EFNA5: variants seen among roughly 807,000 people sequenced by gnomAD.
The protein encoded by EFNA5 is ephrin-A5.
In EFNA5, 5 loss-of-function variants were observed where a neutral mutation model predicts 22.9. The observed-to-expected ratio is 0.22, with a 90% confidence interval of 0.11 to 0.46. The LOEUF (loss-of-function observed/expected upper bound fraction) is 0.46. EFNA5 is among the 20% of genes least tolerant of loss of function. The pLI is 0.99. For synonymous variants in EFNA5, 113 were observed against 112.2 expected (o/e 1.01, Z -0.04); for missense variants, 237 against 293.3 (o/e 0.81, Z 1.40).
intron 1 of EFNA5, among the ~76,000 whole-genome samples, chr5:107,533,290 T>A (rs1346334947): frequency 6.6e-6 from 1 of 152,092 alleles, no homozygotes; most frequent in Non-Finnish European, 1.5e-5. Flanking sequence ...AGAGAGTTAA[T>A]CTACATTCCA....
chr5:107,570,998 G>A (rs1408895859), intron 1 of EFNA5, among the ~76,000 whole-genome samples: 2 of 152,160 alleles, frequency 1.3e-5, no homozygotes, highest in Non-Finnish European at 2.9e-5. Flanking sequence ...TCCTCCCTGG[G>A]GGGTACCTGT....
At chr5:107,620,496 AT>A (rs1561451611) in intron 1 of EFNA5, among the ~76,000 whole-genome samples, 1 of 152,108 alleles carries the variant, frequency 6.6e-6, no homozygotes, top group Non-Finnish European at 1.5e-5. Context: ...TAAAAAATAC[AT>A]TTTTTTCTGA....
intron 1 of EFNA5, among the ~76,000 whole-genome samples, chr5:107,482,822 CTCTGTCTCTG>C (rs60335604): frequency 0.01 from 559 of 54,238 alleles, 2 homozygotes; most frequent in African/African-American, 0.027. Flanking sequence ...CTGTCTCTCT[CTCTGTCTCTG>C]TCTCTCTCTC....
At chr5:107,383,927 A>G (rs1747536640) in intron 4 of EFNA5, among the ~76,000 whole-genome samples, 1 of 152,196 alleles carries the variant, frequency 6.6e-6, no homozygotes, top group African/African-American at 2.4e-5. Context: ...ATAAGCACCC[A>G]ACGAATATAT....
intron 1 of EFNA5, among the ~76,000 whole-genome samples, chr5:107,551,302 G>C (rs1748289421): frequency 6.6e-6 from 1 of 152,186 alleles, no homozygotes; most frequent in South Asian, 2.1e-4. Context: ...TTGAAGGCCA[G>C]AGAGTAAATA....
intron 1 of EFNA5, among the ~76,000 whole-genome samples, chr5:107,608,139 T>G (rs756508950): frequency 5.3e-5 from 8 of 152,220 alleles, no homozygotes; most frequent in Non-Finnish European, 8.8e-5. Context: ...GCATGAGTTG[T>G]ACTTATCATA....
chr5:107,583,440 T>C (rs1749109535), intron 1 of EFNA5, among the ~76,000 whole-genome samples: 1 of 152,224 alleles, frequency 6.6e-6, no homozygotes, highest in Non-Finnish European at 1.5e-5. Flanking sequence ...TTACTGAGCG[T>C]CGGCAAGGCA....
In EFNA5 at chr5:107,387,332, G is replaced by T; in HGVS notation, c.485-17C>A. 6.5e-7 allele frequency: 1 copy of T among 1,531,912 alleles called. No individual in the cohort carries two copies. Among genetic ancestry groups the T allele is most frequent in the South Asian group, 1.2e-5 (1 of 83,614 alleles). 94.9% of individuals were successfully genotyped at this position (1,531,912 alleles called of 1,614,324 possible). ...TACAGCTATCTATAACAAAAATAGA[G>T]ATAACAGCCAAATATGTTAGTGAAG... On this transcript the variant is annotated splice_polypyrimidine_tract_variant and intron_variant, in intron 3 of 4. Transcript: ENST00000333274.
At chr5:107,619,208 A>C (rs1045062664) in intron 1 of EFNA5, among the ~76,000 whole-genome samples, 7 of 151,810 alleles carry the variant, frequency 4.6e-5, no homozygotes, top group African/African-American at 1.7e-4. Context: ...TACAGGTGTG[A>C]GCCACCGCAC....
intron 1 of EFNA5, among the ~76,000 whole-genome samples, chr5:107,667,036 T>C (rs1288785395): frequency 6.6e-6 from 1 of 152,126 alleles, no homozygotes; most frequent in Non-Finnish European, 1.5e-5. Context: ...GGATTTTCAT[T>C]ACTCAAAGTT....
chr5:107,440,728 T>C (rs1749234403), intron 1 of EFNA5, among the ~76,000 whole-genome samples: 1 of 152,186 alleles, frequency 6.6e-6, no homozygotes, highest in South Asian at 2.1e-4. Context: ...AAAGAGAGAA[T>C]GTGAGCTGTT....
chr5:107,601,924 T>C (rs572557538), intron 1 of EFNA5, among the ~76,000 whole-genome samples: 7 of 152,344 alleles, frequency 4.6e-5, no homozygotes, highest in Middle Eastern at 3.4e-3. Context: ...CAAAAACCTA[T>C]GTTTTTGGAG....
In EFNA5 at chr5:107,480,560, GCACTGT is replaced by G. The variant is rs151275833; in HGVS notation, c.126-53057_126-53052del. On this transcript the variant is annotated intron_variant, in intron 1 of 4. Transcript: ENST00000333274. ...ATATGGATCAAGACTAAAGACACAG[GCACTGT>G]CCTCAGGAGCATTCTAGTGGAGAGG... 1.8e-3 allele frequency among the ~76,000 whole-genome samples: 269 copies of G among 152,298 alleles called. 1 individual carries two copies. The highest frequency in any genetic ancestry group is 7.7e-3 in the South Asian group (37 of 4,830).
intron 1 of EFNA5, among the ~76,000 whole-genome samples, chr5:107,457,096 C>T (rs952480565): frequency 6.6e-6 from 1 of 152,272 alleles, no homozygotes; most frequent in South Asian, 2.1e-4. Context: ...CAATGAACAG[C>T]CTCAGTGGCC....
intron 1 of EFNA5, among the ~76,000 whole-genome samples, chr5:107,509,420 G>A (rs1421946851): frequency 1.3e-5 from 2 of 151,200 alleles, no homozygotes; most frequent in African/African-American, 4.9e-5. Context: ...CAGGATTCAA[G>A]CGATTCTCCT....
At chr5:107,581,460 T>G (rs895372571) in intron 1 of EFNA5, among the ~76,000 whole-genome samples, 3 of 152,176 alleles carry the variant, frequency 2.0e-5, no homozygotes, top group Admixed American at 2.0e-4. Flanking sequence ...ATTCCACTAG[T>G]CTACAGCACA....
chr5:107,386,987 C>G (rs1403657299), intron 4 of EFNA5, among the ~76,000 whole-genome samples: 1 of 152,086 alleles, frequency 6.6e-6, no homozygotes, highest in East Asian at 1.9e-4. Flanking sequence ...GATGGGGCTT[C>G]TATATTAGGA....
chr5:107,667,925 T>C (rs1208536036), intron 1 of EFNA5, among the ~76,000 whole-genome samples: 1 of 152,212 alleles, frequency 6.6e-6, no homozygotes, highest in African/African-American at 2.4e-5. Flanking sequence ...AAACTGTTAG[T>C]TTTTATTTTT....
At position 107,458,420 on chromosome 5, in the gene EFNA5, C is replaced by A. The variant is rs1239633808; in HGVS notation, c.126-30911G>T. ...TGTAAAGGTGGGATCCCAAATATAG[C>A]CTTGGAGATAAGAAAAGGCTTACCC... On this transcript the variant is annotated intron_variant, in intron 1 of 4. Transcript: ENST00000333274. 2.0e-5 allele frequency among the ~76,000 whole-genome samples: 3 copies of A among 151,766 alleles called. No homozygotes were observed. The East Asian group carries it at 5.8e-4, about 29-fold the overall frequency.
Sources: gnomAD v4.1 joint callset for allele counts (sites outside exome capture counted in the v4.1 genomes callset) on GRCh38, gnomAD v4.1.1 for gene constraint, MANE v1.5 for transcripts, NCBI Gene and HGNC (gene_info 2026-07-23, HGNC 2026-07-21) for gene names.